KIF21A: variants seen among roughly 807,000 people sequenced by gnomAD.
KIF21A encodes kinesin family member 21A.
A neutral mutation model predicts 202.9 loss-of-function variants in KIF21A; 114 were observed. The observed-to-expected ratio is 0.56, with a 90% CI of 0.48 to 0.66. The LOEUF is 0.66. KIF21A is among the 30% of genes least tolerant of loss of function. The probability of loss-of-function intolerance (pLI) is 0.00; values close to 1 mark genes in which losing one functional copy is unlikely to be tolerated. For synonymous variants in KIF21A, 667 were observed against 670.8 expected (o/e 0.99, Z 0.09); for missense variants, 1,677 against 1,994.9 (o/e 0.84, Z 3.04).
intron 1 of KIF21A, among the ~76,000 whole-genome samples, chr12:39,441,665 A>AAAAAAAAAAAAAAAAAAAAAC: frequency 8.2e-6 from 1 of 121,354 alleles, no homozygotes; most frequent in African/African-American, 2.9e-5. Flanking sequence ...GGTGGTAAAA[A>AAAAAAAAAAAAAAAAAAAAAC]AAAAAAAAAA....
intron 1 of KIF21A, among the ~76,000 whole-genome samples, chr12:39,384,195 C>T (rs1251967862): frequency 6.6e-6 from 1 of 151,804 alleles, no homozygotes; most frequent in East Asian, 1.9e-4. Context: ...ATGTGCTTTG[C>T]TTTTTTTTAA....
chr12:39,366,382 C>T lies in KIF21A; in HGVS notation c.871G>A (p.Ala291Thr), dbSNP rs765082569. 6.2e-7 allele frequency: 1 copy of T among 1,614,014 alleles called. No individual in the cohort carries two copies. ...CAGTTGATAGAAATGCCTTCTTTTGCCCTCTCGCCTGTAGCTCCAGTACGC... is the reference window on the plus strand; with the variant it reads ...CAGTTGATAGAAATGCCTTCTTTTGTCCTCTCGCCTGTAGCTCCAGTACGC... ...LKRTGATGER[A>T]KEGISINCGL... Residue 291 changes from alanine (A) to threonine (T), a missense_variant, in exon 6 of 38, where the codon GCA becomes ACA. Physicochemically the swap from Ala to Thr is moderately conservative, Grantham distance 58 (BLOSUM62 0). Around this residue, in one of 3 missense-constraint regions of KIF21A, gnomAD observed 966 missense variants for 1,180.9 expected, o/e 0.82. Transcript: ENST00000361418.
intron 1 of KIF21A, among the ~76,000 whole-genome samples, chr12:39,398,480 A>C (rs1230922314): frequency 1.3e-5 from 2 of 152,182 alleles, no homozygotes; most frequent in African/African-American, 4.8e-5. Context: ...ATGCGCCTGT[A>C]GTCCCAGCTA....
Position 39,358,234 on chromosome 12 carries a change from T to C in KIF21A, c.1159A>G (p.Asn387Asp), listed in dbSNP as rs1019794380. 6 of 1,614,134 alleles carry C rather than the reference T, an allele frequency of 3.7e-6. No individual in the cohort carries two copies. The highest frequency in any genetic ancestry group is 5.1e-6 in the Non-Finnish European group (6 of 1,180,010). Reference sequence around the variant, plus strand: ...CGTGTGATTTCACTACGAAGTGCATTGATTTGCTGACTAGCTCTGTCCTGA... The same window carrying C: ...CGTGTGATTTCACTACGAAGTGCATCGATTTGCTGACTAGCTCTGTCCTGA... ...VNQDRASQQINALRSEITRLQ... is the reference protein window; with the variant it reads ...VNQDRASQQIDALRSEITRLQ... The change falls in exon 8 of 38, where the codon AAT (asparagine) becomes GAT (aspartate). Residue 387 changes from asparagine (N) to aspartate (D), a missense_variant. Asn to Asp is a conservative substitution (Grantham distance 23). Coordinates refer to ENST00000361418, the MANE Select transcript of KIF21A (RefSeq NM_001173464.2).
At chr12:39,389,820 A>G (rs1239585621) in intron 1 of KIF21A, among the ~76,000 whole-genome samples, 1 of 152,208 alleles carries the variant, frequency 6.6e-6, no homozygotes, top group East Asian at 1.9e-4. Context: ...AGTAGTTTCA[A>G]TAATTTAATT....
At chr12:39,408,295 G>T (rs1340761997) in intron 1 of KIF21A, among the ~76,000 whole-genome samples, 1 of 152,050 alleles carries the variant, frequency 6.6e-6, no homozygotes, top group Admixed American at 6.6e-5. Flanking sequence ...CCTCACATGT[G>T]CAGTTCGCAA....
chr12:39,337,989 T>C (rs1212898225), intron 16 of KIF21A, among the ~76,000 whole-genome samples: 2 of 152,220 alleles, frequency 1.3e-5, no homozygotes, highest in Non-Finnish European at 2.9e-5. Flanking sequence ...TTTACTATAC[T>C]ATACTTTTTA....
Position 39,301,676 on chromosome 12 carries a change from C to CT in KIF21A, c.4734dup (p.Val1579SerfsTer6). On this transcript the variant is annotated frameshift_variant, in exon 37 of 38. Coordinates refer to ENST00000361418, the MANE Select transcript of KIF21A (RefSeq NM_001173464.2). LOFTEE classifies it high-confidence loss of function. ...ACCCAATCCTTATGTGCATTTGGAA[C>CT]TTGCTAAAAGAAAAAAAGTGAAATC... 2 of 1,613,904 alleles carry CT rather than the reference C, an allele frequency of 1.2e-6. No individual in the cohort carries two copies. Among genetic ancestry groups the CT allele is most frequent in the Non-Finnish European group, 1.7e-6 (2 of 1,179,848 alleles).
intron 1 of KIF21A, among the ~76,000 whole-genome samples, chr12:39,410,642 A>G (rs1185901438): frequency 1.3e-5 from 2 of 152,206 alleles, no homozygotes; most frequent in Admixed American, 6.5e-5. Context: ...CTTTTCAAGC[A>G]CACAAGTAAC....
chr12:39,356,629 T>C (rs916848944), intron 10 of KIF21A: 9 of 447,388 alleles, frequency 2.0e-5, no homozygotes, highest in Non-Finnish European at 3.2e-5. Context: ...GAGAATAATA[T>C]GGGAAGAGAA....
chr12:39,321,978 A>C (rs1379866833), intron 27 of KIF21A: 1 of 152,644 alleles, frequency 6.6e-6, no homozygotes, highest in Non-Finnish European at 1.5e-5. Context: ...CACACACAGG[A>C]CTATGTGGGA....
chr12:39,356,773 T>A (rs766923561), intron 10 of KIF21A, 59 bp downstream of exon 10: 9 of 810,856 alleles, frequency 1.1e-5, no homozygotes, highest in Non-Finnish European at 1.5e-5. Context: ...AGAAATATTA[T>A]AACATTGCAA....
chr12:39,374,281 G>A (rs1950134092), intron 1 of KIF21A, among the ~76,000 whole-genome samples: 1 of 152,038 alleles, frequency 6.6e-6, no homozygotes, highest in Admixed American at 6.6e-5. Context: ...GAGAAAGTTA[G>A]AAATATAACA....
Position 39,342,139 on chromosome 12 carries a change from A to T in KIF21A, c.1713-15T>A. ...TACCAGCCACACTAAAAAAAGGAAC[A>T]TAAGGGTATGGTGTTAAAATAGAAA... On this transcript the variant is annotated splice_polypyrimidine_tract_variant and intron_variant, in intron 12 of 37. Transcript: ENST00000361418. 1 of 1,532,340 alleles carries T rather than the reference A, an allele frequency of 6.5e-7. No individual in the cohort carries two copies. Among genetic ancestry groups the T allele is most frequent in the East Asian group, 2.3e-5 (1 of 44,382 alleles). 94.9% of individuals were successfully genotyped at this position (1,532,340 alleles called of 1,614,324 possible).
chr12:39,377,819 C>A (rs1035410018), intron 1 of KIF21A, among the ~76,000 whole-genome samples: 2 of 152,046 alleles, frequency 1.3e-5, no homozygotes, highest in Admixed American at 1.3e-4. Context: ...TTATGAATGA[C>A]AAAGATGAAG....
chr12:39,355,707 T>TTATATATATATACATATATATATA (rs1555172724), intron 10 of KIF21A, among the ~76,000 whole-genome samples: 21 of 101,226 alleles, frequency 2.1e-4, no homozygotes, highest in Middle Eastern at 4.9e-3. Flanking sequence ...GCATGAACAA[T>TTATATATATATACATATATATATA]TATATATATA....
At chr12:39,333,328 A>G in intron 17 of KIF21A, 48 bp from the exon 18 acceptor site, 2 of 1,273,534 alleles carry the variant, frequency 1.6e-6, no homozygotes, top group Non-Finnish European at 2.3e-6. Flanking sequence ...GAAAGATACA[A>G]TATTTCCTAT....
chr12:39,313,235 G>A (rs1049152421), intron 31 of KIF21A, among the ~76,000 whole-genome samples: 3 of 151,828 alleles, frequency 2.0e-5, no homozygotes, highest in Non-Finnish European at 3.0e-5. Context: ...GACAAAACAT[G>A]TAGACCTGAT....
intron 1 of KIF21A, among the ~76,000 whole-genome samples, chr12:39,391,977 A>T (rs1566121275): frequency 1.3e-5 from 2 of 152,068 alleles, no homozygotes; most frequent in Admixed American, 6.6e-5. Context: ...TGACCTCATG[A>T]TCCACCCACC....
Sources: allele counts gnomAD v4.1 joint callset (sites outside exome capture counted in the v4.1 genomes callset), GRCh38; gene constraint gnomAD v4.1.1; regional missense constraint gnomAD v4.1.1; transcripts MANE v1.5; gene names NCBI Gene and HGNC (gene_info 2026-07-23, HGNC 2026-07-21).